Variants in GTF3C1 observed in about 807,000 individuals in gnomAD.
GTF3C1 encodes the protein general transcription factor 3C polypeptide 1.
In GTF3C1, 57 loss-of-function variants were observed where a neutral mutation model predicts 226.7. That is an observed-to-expected ratio of 0.25 (90% CI 0.20 to 0.31). The LOEUF (loss-of-function observed/expected upper bound fraction) is 0.31. Ranked by LOEUF, GTF3C1 falls within the 10% of genes least tolerant of loss-of-function variation. The pLI is 1.00. For synonymous variants in GTF3C1, 1,090 were observed against 1,084.8 expected (o/e 1.00, Z -0.09); for missense variants, 2,217 against 2,776.1 (o/e 0.80, Z 4.53).
intron 6 of GTF3C1, among the ~76,000 whole-genome samples, chr16:27,524,429 G>A (rs1280072071): frequency 6.6e-6 from 1 of 152,216 alleles, no homozygotes; most frequent in Non-Finnish European, 1.5e-5. Context: ...ACTGTCACCT[G>A]TAAGTCTCAC....
chr16:27,514,733 C>G (rs913568202), intron 6 of GTF3C1, among the ~76,000 whole-genome samples: 2 of 152,196 alleles, frequency 1.3e-5, no homozygotes, highest in African/African-American at 4.8e-5. Flanking sequence ...ATTCCAGTCC[C>G]ACATGAGAAC....
intron 1 of GTF3C1, among the ~76,000 whole-genome samples, chr16:27,549,346 C>G (rs1488727631): frequency 6.6e-6 from 1 of 152,190 alleles, no homozygotes; most frequent in Admixed American, 6.5e-5. Flanking sequence ...CTTTCCTGCT[C>G]TAATCCTATC....
chr16:27,482,308 G>C (rs1251056443), intron 26 of GTF3C1, among the ~76,000 whole-genome samples: 2 of 152,148 alleles, frequency 1.3e-5, no homozygotes, highest in Admixed American at 6.5e-5. Context: ...CCCTGCACCA[G>C]ACCAGGACTG....
intron 6 of GTF3C1, among the ~76,000 whole-genome samples, chr16:27,524,696 G>T (rs1397168457): frequency 6.6e-6 from 1 of 152,210 alleles, no homozygotes; most frequent in African/African-American, 2.4e-5. Context: ...AGCAAAAAAG[G>T]TTCTTTAAGG....
chr16:27,528,119 C>T (rs949470934), intron 6 of GTF3C1, among the ~76,000 whole-genome samples: 1 of 152,050 alleles, frequency 6.6e-6, no homozygotes, highest in African/African-American at 2.4e-5. Context: ...ACTAAAAATA[C>T]AAAAAATTAG....
Position 27,549,842 on chromosome 16 carries a change from C to T in GTF3C1, c.49G>A (p.Asp17Asn). The change falls in exon 1 of 37, where the codon GAT becomes AAT. Residue 17 changes from aspartate (D) to asparagine (N), a missense_variant. Physicochemically the swap from Asp to Asn is conservative, Grantham distance 23. Coordinates refer to ENST00000356183, the MANE Select transcript of GTF3C1 (RefSeq NM_001520.4). Reference sequence around the variant, plus strand: ...CACAGCGCTGGCAGACACAGGCCATCGAGCCCCTCCAGAGCGACTTCGTCC... The same window carrying T: ...CACAGCGCTGGCAGACACAGGCCATTGAGCCCCTCCAGAGCGACTTCGTCC... ...LLDEVALEGL[D>N]GLCLPALWSR... 6.2e-7 allele frequency: 1 copy of T among 1,612,990 alleles called. No individual in the cohort carries two copies. Among genetic ancestry groups the T allele is most frequent in the Non-Finnish European group, 8.5e-7 (1 of 1,179,820 alleles).
chr16:27,462,124 G>A lies in GTF3C1; in HGVS notation c.6117+170C>T. On this transcript the variant is annotated intron_variant, in intron 36 of 36. Coordinates refer to ENST00000356183, the MANE Select transcript of GTF3C1 (RefSeq NM_001520.4). This position sits in a 1 kb window ranked among gnomAD's most constrained non-coding sequence, Gnocchi z 4.5. Reference sequence around the variant, plus strand: ...TGGTCAGCAGCATGGAGCTGGTGAAGGACACTGAGGGACAGCCTGAGAGGC... The same window carrying A: ...TGGTCAGCAGCATGGAGCTGGTGAAAGACACTGAGGGACAGCCTGAGAGGC... 1.7e-6 allele frequency: 1 copy of A among 602,536 alleles called. No homozygotes were observed. Among genetic ancestry groups the A allele is most frequent in the Non-Finnish European group, 3.0e-6 (1 of 338,702 alleles). The allele number at this position is 602,536 out of a possible 1,614,324, so 37.3% of individuals were successfully genotyped here. A position where few individuals can be genotyped will look rare whatever the true frequency, so the allele number is the denominator to read the frequency against.
intron 10 of GTF3C1, among the ~76,000 whole-genome samples, 161 bp from the exon 11 acceptor site, chr16:27,503,156 T>C (rs1281161112): frequency 6.6e-6 from 1 of 152,150 alleles, no homozygotes; most frequent in African/African-American, 2.4e-5. Flanking sequence ...ATCCCACTAC[T>C]CTACCATCTC....
chr16:27,534,598 G>A (rs762402426), intron 4 of GTF3C1, among the ~76,000 whole-genome samples: 1 of 152,214 alleles, frequency 6.6e-6, no homozygotes, highest in Non-Finnish European at 1.5e-5. Context: ...CCCAAGTGAG[G>A]GGCAAAGATG....
intron 2 of GTF3C1, among the ~76,000 whole-genome samples, chr16:27,539,919 G>T (rs1317398938): frequency 1.3e-5 from 2 of 152,150 alleles, no homozygotes; most frequent in Admixed American, 6.5e-5. Context: ...TGTTGTATCA[G>T]CAGGAAATGG....
chr16:27,523,268 T>C lies in GTF3C1; in HGVS notation c.973+5330A>G, dbSNP rs2088778934. Among the ~76,000 whole-genome samples the C allele has an allele frequency of 2.0e-5, 3 of 152,174 alleles. No individual in the cohort carries two copies. In the South Asian group the frequency reaches 6.2e-4, roughly 32 times the overall value. On this transcript the variant is annotated intron_variant, in intron 6 of 36. Transcript: ENST00000356183. ...AAACAGATCAGTTCAGGGGGGCTGT[T>C]TACATTACCAAAGTTTTTTTGCTTT...
Position 27,489,758 on chromosome 16 carries a change from A to G in GTF3C1, c.3152-15T>C, listed in dbSNP as rs199946002. 2.3e-5 allele frequency: 37 copies of G among 1,607,426 alleles called. No homozygotes were observed. In the Admixed American group the frequency reaches 3.7e-4, roughly 16 times the overall value. On this transcript the variant is annotated splice_polypyrimidine_tract_variant and intron_variant, in intron 19 of 36. Coordinates refer to ENST00000356183, the MANE Select transcript of GTF3C1 (RefSeq NM_001520.4). Reference sequence around the variant, plus strand: ...GCGCACCACGCCTGGAAAACCAAACATCAGGGTGACCAATCACGCCTTCCT... The same window carrying G: ...GCGCACCACGCCTGGAAAACCAAACGTCAGGGTGACCAATCACGCCTTCCT...
Position 27,545,321 on chromosome 16 carries a change from A to G in GTF3C1, c.424T>C (p.Phe142Leu). Residue 142 changes from phenylalanine to leucine, a missense_variant, in exon 2 of 37, where the codon TTT (phenylalanine) becomes CTT (leucine). Phe to Leu is a conservative substitution (Grantham distance 22). Around this residue, in one of 12 missense-constraint regions of GTF3C1, gnomAD observed 192 missense variants for 251.8 expected, o/e 0.76. Coordinates refer to ENST00000356183, the MANE Select transcript of GTF3C1 (RefSeq NM_001520.4). ...ATGGTGCAAAATAGTTACCTGTCAAAGGCTTCCACCATTGTACAGCGAGGC... is the reference window on the plus strand; with the variant it reads ...ATGGTGCAAAATAGTTACCTGTCAAGGGCTTCCACCATTGTACAGCGAGGC... ...LQPRCTMVEA[F>L]DRWGKKLIIV... is the part of the protein sequence containing the mutation. 6.2e-7 allele frequency: 1 copy of G among 1,610,068 alleles called. No individual in the cohort carries two copies. The highest frequency in any genetic ancestry group is 8.5e-7 in the Non-Finnish European group (1 of 1,176,328).
At chr16:27,472,709 C>A (rs1475228582) in intron 29 of GTF3C1, among the ~76,000 whole-genome samples, 3 of 152,244 alleles carry the variant, frequency 2.0e-5, no homozygotes. Flanking sequence ...GGGGCCTTTG[C>A]CCTGCCGCTC....
chr16:27,484,055 C>T (rs188913102), intron 25 of GTF3C1, among the ~76,000 whole-genome samples, 156 bp downstream of exon 25: 93 of 152,266 alleles, frequency 6.1e-4, no homozygotes, highest in African/African-American at 2.2e-3. Context: ...TGGCCCTCAC[C>T]CTCAAAAAAC....
intron 28 of GTF3C1, 50 bp downstream of exon 28, chr16:27,478,419 T>C (rs751441216): frequency 8.1e-7 from 1 of 1,235,082 alleles, no homozygotes; most frequent in South Asian, 1.2e-5. Context: ...TTGTCAGCCA[T>C]CAAGTTATTA....
At chr16:27,487,682 A>C (rs1707987019) in intron 23 of GTF3C1, among the ~76,000 whole-genome samples, 1 of 152,210 alleles carries the variant, frequency 6.6e-6, no homozygotes, top group African/African-American at 2.4e-5. Flanking sequence ...AATCCCAGCT[A>C]CTTGAGAGGC....
chr16:27,502,733 G>A (rs2088424896), intron 11 of GTF3C1, 126 bp downstream of exon 11: 2 of 973,412 alleles, frequency 2.1e-6, no homozygotes, highest in African/African-American at 1.6e-5. Flanking sequence ...GGAACGAGAT[G>A]AGAATCTACA....
chr16:27,543,124 G>A (rs942553856), intron 2 of GTF3C1, among the ~76,000 whole-genome samples: 1 of 152,182 alleles, frequency 6.6e-6, no homozygotes, highest in African/African-American at 2.4e-5. Flanking sequence ...GGTGGCTCAC[G>A]CCTGTAATCC....
Sources: allele counts gnomAD v4.1 joint callset (sites outside exome capture counted in the v4.1 genomes callset), GRCh38; gene constraint gnomAD v4.1.1; regional missense constraint gnomAD v4.1.1; non-coding constraint Gnocchi (gnomAD v3.1); transcripts MANE v1.5; gene names NCBI Gene and HGNC (gene_info 2026-07-23, HGNC 2026-07-21).